Variants in PLS1 observed in about 807,000 individuals in gnomAD.
PLS1 encodes plastin 1.
Under a neutral mutation model 73.7 loss-of-function variants are expected in PLS1, and 32 were observed. The ratio of observed to expected loss-of-function variants is 0.43; its 90% CI spans 0.33 to 0.58. The LOEUF (loss-of-function observed/expected upper bound fraction) is 0.58, where lower values mean the gene tolerates loss of function less well. Ranked by LOEUF, PLS1 falls within the 20% of genes least tolerant of loss-of-function variation. The probability of loss-of-function intolerance (pLI) is 0.04; values close to 1 mark genes in which losing one functional copy is unlikely to be tolerated. For synonymous variants in PLS1, 217 were observed against 261.3 expected (o/e 0.83, Z 1.63); for missense variants, 633 against 740.5 (o/e 0.85, Z 1.68).
At chr3:142,657,726 G>T (rs530562526) in intron 1 of PLS1, among the ~76,000 whole-genome samples, 114 of 152,238 alleles carry the variant, frequency 7.5e-4, no homozygotes, top group Non-Finnish European at 1.2e-3. Flanking sequence ...CTGACCTCAT[G>T]ATCCGCCCAC....
At chr3:142,600,917 T>TGTATA (rs1491180044) in intron 1 of PLS1, among the ~76,000 whole-genome samples, 1 of 11,870 alleles carries the variant, frequency 8.4e-5, no homozygotes, top group East Asian at 3.9e-3. Flanking sequence ...TATATATATA[T>TGTATA]TTTTTTTTTT....
At chr3:142,630,818 A>C (rs765239942) in intron 1 of PLS1, among the ~76,000 whole-genome samples, 65 of 152,068 alleles carry the variant, frequency 4.3e-4, no homozygotes, top group Non-Finnish European at 7.3e-4. Context: ...AAAAATAGAG[A>C]GTGTACAGTT....
At chr3:142,601,938 A>G (rs990252292) in intron 1 of PLS1, among the ~76,000 whole-genome samples, 20 of 152,172 alleles carry the variant, frequency 1.3e-4, no homozygotes, top group Middle Eastern at 3.2e-3. Context: ...CTGACTTTAT[A>G]CACTGAGCGC....
At chr3:142,704,409 G>C in intron 13 of PLS1, 54 bp from the exon 14 acceptor site, 6 of 1,435,664 alleles carry the variant, frequency 4.2e-6, no homozygotes, top group South Asian at 1.2e-5. Context: ...TATAAATTAT[G>C]TGAAAGCAAA....
intron 1 of PLS1, among the ~76,000 whole-genome samples, chr3:142,638,489 A>G (rs2108606053): frequency 6.6e-6 from 1 of 152,306 alleles, no homozygotes; most frequent in East Asian, 1.9e-4. Flanking sequence ...TGGCGGAAAC[A>G]TGCCTGCTTT....
Position 142,684,093 on chromosome 3 carries a change from C to A in PLS1, c.667C>A (p.Pro223Thr). ...IGASDLKEGK[P>T]HLVLGLLWQI... ...TGCATCAGATCTCAAAGAAGGAAAACCTCACTTGGTCTTGGGACTTCTCTG... is the reference window on the plus strand; with the variant it reads ...TGCATCAGATCTCAAAGAAGGAAAAACTCACTTGGTCTTGGGACTTCTCTG... The change falls in exon 7 of 16, where the codon CCT becomes ACT. Residue 223 changes from proline to threonine, a missense_variant. Coordinates refer to ENST00000457734, the MANE Select transcript of PLS1 (RefSeq NM_001145319.2). 1 of 1,613,832 alleles carries A rather than the reference C, an allele frequency of 6.2e-7. No homozygotes were observed. Among genetic ancestry groups the A allele is most frequent in the Non-Finnish European group, 8.5e-7 (1 of 1,179,846 alleles).
chr3:142,609,767 A>G (rs933659965), intron 1 of PLS1, among the ~76,000 whole-genome samples: 1 of 152,220 alleles, frequency 6.6e-6, no homozygotes, highest in African/African-American at 2.4e-5. Flanking sequence ...CCTGATTTCC[A>G]TTTGTGGATA....
intron 1 of PLS1, among the ~76,000 whole-genome samples, chr3:142,635,435 CAAA>C (rs34712134): frequency 4.2e-4 from 54 of 129,534 alleles, no homozygotes; most frequent in African/African-American, 1.1e-3. Flanking sequence ...ACTAAAAATA[CAAA>C]AAAAAAAAAA....
At chr3:142,678,204 T>G in intron 6 of PLS1, 91 bp downstream of exon 6, 2 of 535,700 alleles carry the variant, frequency 3.7e-6, no homozygotes, top group Non-Finnish European at 3.1e-6. Context: ...ATAAAACCTT[T>G]GATTTAATTG....
intron 12 of PLS1, among the ~76,000 whole-genome samples, chr3:142,699,651 A>G (rs2038284784): frequency 6.6e-6 from 1 of 152,214 alleles, no homozygotes; most frequent in South Asian, 2.1e-4. Flanking sequence ...ACACAAAATT[A>G]TATATATACA....
In PLS1 at chr3:142,669,785, A is replaced by G. The variant is rs146504810; in HGVS notation, c.234+232A>G. Among the ~76,000 whole-genome samples the G allele has an allele frequency of 2.5e-3, 384 of 152,374 alleles. 1 individual carries two copies. The highest frequency in any genetic ancestry group is 7.8e-3 in the African/African-American group (325 of 41,592). On this transcript the variant is annotated intron_variant, in intron 3 of 15. Transcript: ENST00000457734. ...TTGTTGGAATGGAAATCAGGTTTAGATAATAGTAATTCATTCCCTAGAATA... is the reference window on the plus strand; with the variant it reads ...TTGTTGGAATGGAAATCAGGTTTAGGTAATAGTAATTCATTCCCTAGAATA...
chr3:142,684,098 C>T lies in PLS1; in HGVS notation c.672C>T (p.His224=). The part of the protein sequence containing the change: ...GASDLKEGKP[H]LVLGLLWQII... ...CAGATCTCAAAGAAGGAAAACCTCA[C>T]TTGGTCTTGGGACTTCTCTGGCAGA... Residue 224 remains histidine, a synonymous_variant, in exon 7 of 16, where the codon CAC becomes CAT. Transcript: ENST00000457734. 6.2e-7 allele frequency: 1 copy of T among 1,613,968 alleles called. No homozygotes were observed. The highest frequency in any genetic ancestry group is 1.1e-5 in the South Asian group (1 of 91,072).
At chr3:142,655,984 TAG>T (rs2037227800) in intron 1 of PLS1, among the ~76,000 whole-genome samples, 1 of 152,138 alleles carries the variant, frequency 6.6e-6, no homozygotes, top group African/African-American at 2.4e-5. Context: ...GTTTTTGAGA[TAG>T]AGTCTCACTC....
chr3:142,639,469 A>G (rs111803318), intron 1 of PLS1, among the ~76,000 whole-genome samples: 5,371 of 152,156 alleles, frequency 0.035, 310 homozygotes, highest in African/African-American at 0.12. Context: ...TAGCTGTTTT[A>G]CCCCATTACA....
intron 1 of PLS1, among the ~76,000 whole-genome samples, chr3:142,648,222 A>T (rs1358377744): frequency 6.8e-6 from 1 of 147,818 alleles, no homozygotes; most frequent in Non-Finnish European, 1.5e-5. Context: ...GGGGGTAAAG[A>T]ACGGCTGTGA....
At chr3:142,694,878 G>A (rs2038161561) in intron 11 of PLS1, among the ~76,000 whole-genome samples, 1 of 151,970 alleles carries the variant, frequency 6.6e-6, no homozygotes, top group Admixed American at 6.6e-5. Flanking sequence ...TTTTTATTAT[G>A]TCATTTTTCA....
chr3:142,634,993 T>C (rs146606565), intron 1 of PLS1, among the ~76,000 whole-genome samples: 3 of 151,688 alleles, frequency 2.0e-5, no homozygotes, highest in Admixed American at 1.3e-4. Flanking sequence ...CAATCATGGC[T>C]CACTGTAGCC....
chr3:142,678,110 T>G lies in PLS1; in HGVS notation c.576T>G (p.Ile192Met), dbSNP rs2037761471. 2.0e-6 allele frequency: 3 copies of G among 1,486,380 alleles called. No homozygotes were observed. The South Asian group carries it at 3.7e-5, about 18-fold the overall frequency. The allele number at this position is 1,486,380 out of a possible 1,614,324, so 92.1% of individuals were successfully genotyped here. ...AGAAAAAGCTCACGCCATTCACTAT[T>G]TCTGTAAGTATTTGCCCTTTGCTTA... is the stretch of plus-strand genomic sequence containing the variant. Reference protein sequence around the residue: ...INKKKLTPFTISENLNLALNS... With the variant: ...INKKKLTPFTMSENLNLALNS... The change falls in exon 6 of 16, where the codon ATT becomes ATG. Residue 192 changes from isoleucine (I) to methionine (M), a missense_variant. Transcript: ENST00000457734.
At chr3:142,639,984 A>G (rs1223729541) in intron 1 of PLS1, among the ~76,000 whole-genome samples, 2 of 152,212 alleles carry the variant, frequency 1.3e-5, no homozygotes, top group East Asian at 1.9e-4. Context: ...GAAGCCTCGA[A>G]AAACCAAGTC....
Sources: gnomAD v4.1 joint callset for allele counts (sites outside exome capture counted in the v4.1 genomes callset) on GRCh38, gnomAD v4.1.1 for gene constraint, MANE v1.5 for transcripts, NCBI Gene and HGNC (gene_info 2026-07-23, HGNC 2026-07-21) for gene names.